The following BTBD8 variants were observed in gnomAD, a reference collection of about 807,000 sequenced individuals.
BTBD8 encodes the protein BTB domain containing 8.
A neutral mutation model predicts 162.9 loss-of-function variants in BTBD8; 110 were observed. That is an observed-to-expected ratio of 0.68 (90% CI 0.58 to 0.79). The LOEUF is 0.79. Among genes scored for constraint, BTBD8 ranks in the 30% least tolerant of loss-of-function variants. The pLI, the probability that BTBD8 is intolerant of heterozygous loss-of-function variation, is 0.00. For missense variants in BTBD8, 1,905 were observed against 2,085.4 expected (o/e 0.91, Z 1.68); for synonymous variants, 667 against 716.1 (o/e 0.93, Z 1.10).
intron 5 of BTBD8, among the ~76,000 whole-genome samples, chr1:92,132,101 G>A (rs1649530899): frequency 6.6e-6 from 1 of 152,182 alleles, no homozygotes; most frequent in South Asian, 2.1e-4. Flanking sequence ...GTGTTCTTGA[G>A]CTAGCTCAGA....
At chr1:92,138,950 A>G (rs572395212) in intron 5 of BTBD8, among the ~76,000 whole-genome samples, 3 of 152,358 alleles carry the variant, frequency 2.0e-5, no homozygotes, top group South Asian at 4.1e-4. Flanking sequence ...TCTGTGCAGC[A>G]TAACAAGAAT....
At chr1:92,175,176 T>C (rs1650672799) in intron 13 of BTBD8, among the ~76,000 whole-genome samples, 1 of 151,750 alleles carries the variant, frequency 6.6e-6, no homozygotes, top group African/African-American at 2.4e-5. Context: ...ACCGTTTGCA[T>C]ACTTACATAA....
At chr1:92,126,858 A>G (rs1649372807) in intron 4 of BTBD8, among the ~76,000 whole-genome samples, 1 of 152,218 alleles carries the variant, frequency 6.6e-6, no homozygotes, top group Admixed American at 6.5e-5. Context: ...GACTGTGGCT[A>G]TATATGCTGT....
chr1:92,163,455 G>A (rs752329176), intron 9 of BTBD8, among the ~76,000 whole-genome samples: 4 of 142,652 alleles, frequency 2.8e-5, no homozygotes, highest in Admixed American at 7.2e-5. Flanking sequence ...TATATGTTTT[G>A]TTTGTATATG....
intron 9 of BTBD8, among the ~76,000 whole-genome samples, chr1:92,166,424 CT>C (rs35849731): frequency 2.7e-3 from 322 of 120,402 alleles, no homozygotes; most frequent in Non-Finnish European, 4.4e-3. Context: ...TCTTTTCTTT[CT>C]TTTTTTTTTT....
chr1:92,137,296 C>A (rs905423372), intron 5 of BTBD8, among the ~76,000 whole-genome samples: 1 of 152,024 alleles, frequency 6.6e-6, no homozygotes, highest in African/African-American at 2.4e-5. Context: ...AGCAAAGTCA[C>A]CCTAATAGTA....
intron 1 of BTBD8, among the ~76,000 whole-genome samples, chr1:92,082,360 C>T (rs569319860): frequency 6.6e-6 from 1 of 152,140 alleles, no homozygotes; most frequent in Non-Finnish European, 1.5e-5. Context: ...GTACCTAGCC[C>T]GGTACTAGGT....
At chr1:92,134,639 G>A (rs1649589716) in intron 5 of BTBD8, among the ~76,000 whole-genome samples, 1 of 152,044 alleles carries the variant, frequency 6.6e-6, no homozygotes, top group African/African-American at 2.4e-5. Flanking sequence ...TTGTCTTCAT[G>A]GCACTTTGAC....
intron 4 of BTBD8, among the ~76,000 whole-genome samples, chr1:92,113,954 G>A (rs1245746191): frequency 1.4e-5 from 2 of 147,786 alleles, no homozygotes; most frequent in African/African-American, 5.1e-5. Flanking sequence ...GGAGGTTGCA[G>A]TGACCCGAGA....
intron 4 of BTBD8, chr1:92,114,822 G>A: frequency 6.2e-6 from 2 of 324,414 alleles, no homozygotes; most frequent in South Asian, 7.0e-5. Context: ...GAGGCCATGT[G>A]GACCATGAAA....
At chr1:92,125,537 AGAAT>A (rs1449506874) in intron 4 of BTBD8, 5 of 310,840 alleles carry the variant, frequency 1.6e-5, no homozygotes, top group Non-Finnish European at 3.2e-5. Flanking sequence ...AGAATTCAGG[AGAAT>A]GAAATCTCTC....
intron 1 of BTBD8, among the ~76,000 whole-genome samples, chr1:92,085,905 CA>C (rs766173840): frequency 2.0e-4 from 30 of 152,168 alleles, no homozygotes; most frequent in Non-Finnish European, 3.4e-4. Context: ...AAAGTGGGAC[CA>C]GGGGGCCAAT....
chr1:92,137,769 C>G (rs1408022966), intron 5 of BTBD8, among the ~76,000 whole-genome samples: 1 of 151,938 alleles, frequency 6.6e-6, no homozygotes, highest in Non-Finnish European at 1.5e-5. Flanking sequence ...AATCTTGGGA[C>G]TTGGGGATGG....
intron 17 of BTBD8, among the ~76,000 whole-genome samples, chr1:92,183,457 G>C (rs1650977093): frequency 6.6e-6 from 1 of 151,808 alleles, no homozygotes; most frequent in African/African-American, 2.4e-5. Flanking sequence ...GCCTTTAGGT[G>C]AAATGTATTT....
intron 9 of BTBD8, among the ~76,000 whole-genome samples, chr1:92,163,159 C>G (rs1241842116): frequency 1.3e-5 from 2 of 151,582 alleles, no homozygotes; most frequent in South Asian, 2.1e-4. Context: ...TCGAGACCAT[C>G]CTGGCTAACA....
At chr1:92,106,499 A>T (rs1648730793) in intron 3 of BTBD8, among the ~76,000 whole-genome samples, 1 of 151,580 alleles carries the variant, frequency 6.6e-6, no homozygotes, top group African/African-American at 2.4e-5. Context: ...TCTCTACTAA[A>T]AATACAAAAA....
At chr1:92,099,709 A>G (rs189089717) in intron 2 of BTBD8, among the ~76,000 whole-genome samples, 5 of 152,280 alleles carry the variant, frequency 3.3e-5, no homozygotes, top group African/African-American at 1.2e-4. Context: ...TAAAAACATA[A>G]TTTTTGCATG....
chr1:92,143,050 G>A lies in BTBD8; in HGVS notation c.930+1839G>A, dbSNP rs144453758. Among the ~76,000 whole-genome samples, 580 of 152,250 alleles carry A rather than the reference G, an allele frequency of 3.8e-3. 5 individuals carry two copies. Among genetic ancestry groups the A allele is most frequent in the African/African-American group, 0.013 (549 of 41,558 alleles). The stretch of plus-strand genomic sequence containing the variant: ...TAAATCAGATACAATGAAAAGATAG[G>A]TGTTAAAATAGTACTGTGCTGAATT... On this transcript the variant is annotated intron_variant, in intron 7 of 17. Transcript: ENST00000636805.
At chr1:92,100,223 GA>G (rs1238156224) in intron 2 of BTBD8, among the ~76,000 whole-genome samples, 1 of 152,080 alleles carries the variant, frequency 6.6e-6, no homozygotes, top group Admixed American at 6.5e-5. Flanking sequence ...TATGCTGCTG[GA>G]TTCAGTTTAA....
Sources: gnomAD v4.1 joint callset for allele counts (sites outside exome capture counted in the v4.1 genomes callset) on GRCh38, gnomAD v4.1.1 for gene constraint, MANE v1.5 for transcripts, NCBI Gene and HGNC (gene_info 2026-07-23, HGNC 2026-07-21) for gene names.